The following ADA variants were observed in gnomAD, a reference collection of about 807,000 sequenced individuals.
ADA encodes the protein adenosine deaminase, also known as adenosine aminohydrolase.
Under a neutral mutation model 49.0 loss-of-function variants are expected in ADA, and 45 were observed. The observed-to-expected ratio is 0.92, with a 90% CI of 0.72 to 1.18. ADA has a LOEUF of 1.18. ADA is among the 50% of genes most tolerant of loss of function. The pLI is 0.00. For synonymous variants in ADA, 173 were observed against 184.2 expected, an observed-to-expected ratio of 0.94 and a Z score of 0.49; for missense variants, 445 against 472.5, an observed-to-expected ratio of 0.94 and a Z score of 0.54.
chr20:44,649,730 C>CTT (rs755647195), intron 1 of ADA, among the ~76,000 whole-genome samples: 4,248 of 81,874 alleles, frequency 0.052, 453 homozygotes, highest in African/African-American at 0.16. Flanking sequence ...ATCAAGGAGC[C>CTT]TTTTTTTTTT....
At chr20:44,622,769 C>G in intron 8 of ADA, 60 bp downstream of exon 8, 3 of 1,614,080 alleles carry the variant, frequency 1.9e-6, no homozygotes, top group Non-Finnish European at 2.5e-6. Flanking sequence ...CTTTCTGCCT[C>G]TCTATACAGG....
intron 5 of ADA, 89 bp downstream of exon 5, chr20:44,625,480 G>T: frequency 8.4e-7 from 1 of 1,187,340 alleles, no homozygotes. Context: ...TGGGGCACAG[G>T]GGAGATCAGG....
chr20:44,633,079 C>T (rs543871515), intron 2 of ADA, among the ~76,000 whole-genome samples: 55 of 152,342 alleles, frequency 3.6e-4, no homozygotes, highest in Admixed American at 6.5e-4. Flanking sequence ...TGGTGGGCAA[C>T]ACAGTCACAA....
At chr20:44,630,418 C>T (rs1449462001) in intron 2 of ADA, among the ~76,000 whole-genome samples, 8 of 151,092 alleles carry the variant, frequency 5.3e-5, no homozygotes, top group Admixed American at 4.6e-4. Flanking sequence ...AAAAGCACTC[C>T]GAGGAAACAG....
chr20:44,625,632 C>T lies in ADA; in HGVS notation c.415G>A (p.Glu139Lys), dbSNP rs1413219982. ...TTGACCCCGAAGTCTCGCTCCCCCT[C>T]CTGCAGGCCCTGGCCCACTAGGGCC... ...VVALVGQGLQ[E>K]GERDFGVKAR... The change falls in exon 5 of 12, where the codon GAG (glutamate) becomes AAG (lysine). Residue 139 changes from glutamate (E) to lysine (K), a missense_variant. Transcript: ENST00000372874. 1 of 1,581,214 alleles carries T rather than the reference C, an allele frequency of 6.3e-7. No homozygotes were observed. The highest frequency in any genetic ancestry group is 8.6e-7 in the Non-Finnish European group (1 of 1,163,016).
In ADA at chr20:44,625,662, C is replaced by A. The variant is rs121908731; in HGVS notation, c.385G>T (p.Val129Leu). The change falls in exon 5 of 12, where the codon GTG becomes TTG. Residue 129 changes from valine (V) to leucine (L), a missense_variant. Transcript: ENST00000372874. ...AGGCCCTGGCCCACTAGGGCCACCA[C>A]CTCGTCTGGGGTGAGGTCCCCTCTG... is the stretch of plus-strand genomic sequence containing the variant. ...QAEGDLTPDEVVALVGQGLQE... is the reference protein window; with the variant it reads ...QAEGDLTPDELVALVGQGLQE... 1.3e-6 allele frequency: 2 copies of A among 1,567,686 alleles called. No homozygotes were observed. Among genetic ancestry groups the A allele is most frequent in the Non-Finnish European group, 1.7e-6 (2 of 1,155,430 alleles).
chr20:44,622,887 T>G lies in ADA; in HGVS notation c.722A>C (p.His241Pro), dbSNP rs948856707. Residue 241 changes from histidine to proline, a missense_variant, in exon 8 of 12, where the codon CAC becomes CCC. His to Pro is a moderately conservative substitution (Grantham distance 77). Transcript: ENST00000372874. ...ATAAAGGGCCTGGTCTTCCAGGGTG[T>G]GGTAGCCGTGTCCCAGCCGCTCTGT... The part of the protein sequence containing the change: ...LKTERLGHGY[H>P]TLEDQALYNR... The G allele has an allele frequency of 6.2e-7, 1 of 1,614,202 alleles. No individual in the cohort carries two copies.
At chr20:44,644,803 C>A (rs1268603031) in intron 1 of ADA, among the ~76,000 whole-genome samples, 1 of 152,256 alleles carries the variant, frequency 6.6e-6, no homozygotes, top group African/African-American at 2.4e-5. Flanking sequence ...GCAGTCCCCA[C>A]AGTGTCTCCT....
At chr20:44,638,443 G>A (rs2065500405) in intron 1 of ADA, among the ~76,000 whole-genome samples, 1 of 152,134 alleles carries the variant, frequency 6.6e-6, no homozygotes, top group African/African-American at 2.4e-5. Flanking sequence ...CAGGCGTGGT[G>A]GCGCACACCT....
chr20:44,634,115 C>T (rs1300017490), intron 2 of ADA, among the ~76,000 whole-genome samples: 1 of 152,202 alleles, frequency 6.6e-6, no homozygotes, highest in Non-Finnish European at 1.5e-5. Flanking sequence ...TCTCTTAGCC[C>T]CACCCGGCGC....
intron 2 of ADA, among the ~76,000 whole-genome samples, chr20:44,632,993 C>G (rs776310994): frequency 6.6e-6 from 1 of 152,230 alleles, no homozygotes; most frequent in African/African-American, 2.4e-5. Context: ...CATGCACGCT[C>G]TGTTCTTAGA....
At chr20:44,642,654 A>G (rs958213740) in intron 1 of ADA, among the ~76,000 whole-genome samples, 4 of 152,170 alleles carry the variant, frequency 2.6e-5, no homozygotes, top group Admixed American at 2.6e-4. Context: ...TTTCCACCCA[A>G]GTGTGTTAAA....
rs1555843178 is a variant in ADA, at chr20:44,620,297, A to T, written c.1078+2T>A. 1 of 1,613,628 alleles carries T rather than the reference A, an allele frequency of 6.2e-7. No homozygotes were observed. The highest frequency in any genetic ancestry group is 8.5e-7 in the Non-Finnish European group (1 of 1,179,676). On this transcript the variant is annotated splice_donor_variant, in intron 11 of 11. Transcript: ENST00000372874. LOFTEE classifies it high-confidence loss of function. ...TGCCCAGAAGCCCAGACAGGAACCT[A>T]CCTGCAGAGGCTGAAGGTGGCATCC...
chr20:44,645,547 G>C (rs947083444), intron 1 of ADA, among the ~76,000 whole-genome samples: 1 of 151,692 alleles, frequency 6.6e-6, no homozygotes, highest in Non-Finnish European at 1.5e-5. Context: ...ACTTGAACCC[G>C]GGAGGCAGAG....
rs1201072651 is a variant in ADA, at chr20:44,626,045, T to C, written c.363-361A>G. On this transcript the variant is annotated intron_variant, in intron 4 of 11. Transcript: ENST00000372874. ...GTGGTTTTGTGATACCACTTAGAGATCCATGGGGGCCCAGGCAGGGGGCTA... is the reference window on the plus strand; with the variant it reads ...GTGGTTTTGTGATACCACTTAGAGACCCATGGGGGCCCAGGCAGGGGGCTA... Among the ~76,000 whole-genome samples, 5 of 152,098 alleles carry C rather than the reference T, an allele frequency of 3.3e-5. No homozygotes were observed. In the East Asian group the frequency reaches 9.6e-4, roughly 29 times the overall value.
At chr20:44,641,702 A>T (rs988982382) in intron 1 of ADA, among the ~76,000 whole-genome samples, 8 of 151,262 alleles carry the variant, frequency 5.3e-5, no homozygotes, top group African/African-American at 1.9e-4. Flanking sequence ...TGTGGGTGGG[A>T]CTGGTGGGGG....
intron 2 of ADA, among the ~76,000 whole-genome samples, chr20:44,632,449 G>A (rs1204614451): frequency 6.6e-6 from 1 of 152,114 alleles, no homozygotes; most frequent in Non-Finnish European, 1.5e-5. Flanking sequence ...CAAATTGGAG[G>A]GAAGCCAGAG....
rs11555566 is a variant in ADA, at chr20:44,626,579, T to C, written c.239A>G (p.Lys80Arg). Residue 80 changes from lysine (K) to arginine (R), a missense_variant, in exon 4 of 12, where the codon AAA becomes AGA. Lys to Arg is a conservative substitution (Grantham distance 26). Transcript: ENST00000372874. ...PAIAGCREAIKRIAYEFVEMK... is the reference protein window; with the variant it reads ...PAIAGCREAIRRIAYEFVEMK... ...CTCTACAAACTCATAGGCGATCCTT[T>C]TGATAGCCTCCCGGCAGCCCCTGGG... The C allele has an allele frequency of 0.06, 96,874 of 1,614,086 alleles. 3,190 individuals carry two copies. The highest frequency in any genetic ancestry group is 0.11 in the Middle Eastern group (673 of 6,030).
At chr20:44,637,674 C>T (rs1431259599) in intron 1 of ADA, among the ~76,000 whole-genome samples, 3 of 152,202 alleles carry the variant, frequency 2.0e-5, no homozygotes, top group African/African-American at 7.2e-5. Context: ...CATACATGAG[C>T]TGCCTCCTGC....
Sources: allele counts gnomAD v4.1 joint callset (sites outside exome capture counted in the v4.1 genomes callset), GRCh38; gene constraint gnomAD v4.1.1; transcripts MANE v1.5; gene names NCBI Gene and HGNC (gene_info 2026-07-23, HGNC 2026-07-21).